Variants in EYA3 observed in about 807,000 individuals in gnomAD.
EYA3 encodes the protein EYA transcriptional coactivator and phosphatase 3.
EYA3 carries 39 observed loss-of-function variants against 80.0 expected under a neutral mutation model. The ratio of observed to expected loss-of-function variants is 0.49; its 90% CI spans 0.38 to 0.64. EYA3 has a LOEUF of 0.64. Ranked by LOEUF, EYA3 falls within the 30% of genes least tolerant of loss-of-function variation. EYA3 has a pLI of 0.00. For synonymous variants in EYA3, 206 were observed against 232.8 expected (o/e 0.88, Z 1.05); for missense variants, 523 against 676.1 (o/e 0.77, Z 2.51).
chr1:28,009,605 G>A lies in EYA3; in HGVS notation c.909+1342C>T, dbSNP rs763547177. On this transcript the variant is annotated intron_variant, in intron 10 of 17. Coordinates refer to ENST00000373871, the MANE Select transcript of EYA3 (RefSeq NM_001990.4). This position sits in a 1 kb window ranked among gnomAD's most constrained non-coding sequence, Gnocchi z 4.8. ...GCAGAGGTCACGGTAAGCCGAGATCGTGCCACTGCACTCCAGCCTGAGACT... is the reference window on the plus strand; with the variant it reads ...GCAGAGGTCACGGTAAGCCGAGATCATGCCACTGCACTCCAGCCTGAGACT... 3.3e-5 allele frequency among the ~76,000 whole-genome samples: 5 copies of A among 152,008 alleles called. No homozygotes were observed. Among genetic ancestry groups the A allele is most frequent in the South Asian group, 4.1e-4 (2 of 4,828 alleles).
chr1:28,013,288 GA>G lies in EYA3; in HGVS notation c.591del (p.Thr199ProfsTer34). ...AAVASISNQD[Y>X]PTYTILGQNQ... Reference sequence around the variant, plus strand: ...TTCTGACCAAGAATAGTATAGGTGGGATAATCCTGCAGGCCAAAGGAAATAA... The same window carrying G: ...TTCTGACCAAGAATAGTATAGGTGGGTAATCCTGCAGGCCAAAGGAAATAA... On this transcript the variant is annotated frameshift_variant, in exon 9 of 18. Transcript: ENST00000373871. LOFTEE classifies it high-confidence loss of function. The surrounding 1 kb of genome is among the most constrained non-coding windows in gnomAD (Gnocchi z 4.0). The G allele has an allele frequency of 6.2e-7, 1 of 1,609,112 alleles. No homozygotes were observed. The highest frequency in any genetic ancestry group is 8.5e-7 in the Non-Finnish European group (1 of 1,177,442).
intron 17 of EYA3, among the ~76,000 whole-genome samples, chr1:27,977,677 G>A (rs1025596242): frequency 1.3e-5 from 2 of 151,848 alleles, no homozygotes; most frequent in African/African-American, 2.4e-5. Context: ...GGGAAACCCC[G>A]TCTCTACTAA....
At chr1:27,983,103 CAG>C (rs1639422558) in intron 16 of EYA3, among the ~76,000 whole-genome samples, 1 of 152,102 alleles carries the variant, frequency 6.6e-6, no homozygotes, top group Non-Finnish European at 1.5e-5. Flanking sequence ...TGTAAAGAGT[CAG>C]AGAGTATATA....
At chr1:28,020,149 G>A (rs1287641064) in intron 7 of EYA3, among the ~76,000 whole-genome samples, 1 of 152,098 alleles carries the variant, frequency 6.6e-6, no homozygotes, top group Non-Finnish European at 1.5e-5. Context: ...TAAAATGGTA[G>A]ACCTTAAAAA....
intron 14 of EYA3, among the ~76,000 whole-genome samples, chr1:27,991,766 A>G (rs929243503): frequency 1.3e-5 from 2 of 152,212 alleles, no homozygotes; most frequent in African/African-American, 4.8e-5. Context: ...TACAAAACAT[A>G]CAGCTGGCCA....
chr1:28,068,389 TTTTC>T (rs1293940102), intron 1 of EYA3, among the ~76,000 whole-genome samples: 2 of 152,022 alleles, frequency 1.3e-5, no homozygotes, highest in Non-Finnish European at 2.9e-5. Flanking sequence ...TACTTATTCC[TTTTC>T]TTTCATTACA....
Position 27,974,393 on chromosome 1 carries a change from T to C in EYA3, c.*73A>G. The C allele has an allele frequency of 1.8e-6, 2 of 1,091,884 alleles. No homozygotes were observed. Among genetic ancestry groups the C allele is most frequent in the Non-Finnish European group, 2.7e-6 (2 of 732,150 alleles). 67.6% of individuals were successfully genotyped at this position (1,091,884 alleles called of 1,614,324 possible). ...AGAGAGAGACAGACAGAGAAAGTTC[T>C]CAGTTGGTTCCAGTCTCCAGCTCCC... On this transcript the variant is annotated 3_prime_UTR_variant, in exon 18 of 18. Coordinates refer to ENST00000373871, the MANE Select transcript of EYA3 (RefSeq NM_001990.4).
rs759883401 is a variant in EYA3, at chr1:28,048,372, A to T, written c.77+11T>A. The T allele has an allele frequency of 1.3e-6, 2 of 1,581,718 alleles. No homozygotes were observed. Among genetic ancestry groups the T allele is most frequent in the Non-Finnish European group, 1.7e-6 (2 of 1,167,110 alleles). On this transcript the variant is annotated intron_variant, in intron 3 of 17. Coordinates refer to ENST00000373871, the MANE Select transcript of EYA3 (RefSeq NM_001990.4). ...GAGTAGTTCATTAAAAAGAAAGCAA[A>T]CTTTACATACCTTATAGTTTGCTCT... is the stretch of plus-strand genomic sequence containing the variant.
chr1:28,056,412 A>C (rs753746066), intron 2 of EYA3, among the ~76,000 whole-genome samples: 15 of 152,136 alleles, frequency 9.9e-5, no homozygotes, highest in Non-Finnish European at 2.1e-4. Flanking sequence ...CTCCTGACCA[A>C]CAGTGGTACT....
chr1:28,045,417 T>C (rs1449722424), intron 3 of EYA3, among the ~76,000 whole-genome samples: 1 of 152,210 alleles, frequency 6.6e-6, no homozygotes, highest in Non-Finnish European at 1.5e-5. Flanking sequence ...GTTTGACTTC[T>C]ACATGTACCT....
chr1:28,036,758 G>A (rs1261599835), intron 5 of EYA3, among the ~76,000 whole-genome samples: 1 of 152,168 alleles, frequency 6.6e-6, no homozygotes, highest in African/African-American at 2.4e-5. Context: ...ATCTCATTTG[G>A]TGAGTTACAC....
At chr1:28,014,234 T>C (rs1641884198) in intron 8 of EYA3, among the ~76,000 whole-genome samples, 1 of 151,636 alleles carries the variant, frequency 6.6e-6, no homozygotes, top group South Asian at 2.1e-4. Context: ...CTAGCCAAAA[T>C]AGTGAGACCT....
chr1:28,057,948 T>C, intron 2 of EYA3, 46 bp downstream of exon 2: 1 of 1,145,694 alleles, frequency 8.7e-7, no homozygotes, highest in African/African-American at 1.5e-5. Flanking sequence ...TCTCTTAAGA[T>C]TAGCTCTTCT....
intron 1 of EYA3, among the ~76,000 whole-genome samples, chr1:28,082,848 T>A (rs1645479803): frequency 6.6e-6 from 1 of 152,162 alleles, no homozygotes; most frequent in African/African-American, 2.4e-5. Flanking sequence ...TTAACTTCCA[T>A]AAGATAATTT....
chr1:28,024,736 ACATCT>A (rs1642671985), intron 7 of EYA3, among the ~76,000 whole-genome samples: 1 of 152,146 alleles, frequency 6.6e-6, no homozygotes, highest in Non-Finnish European at 1.5e-5. Context: ...ACCAATTAAA[ACATCT>A]CAGCTGAAGA....
At chr1:28,055,604 G>A (rs1644410812) in intron 2 of EYA3, among the ~76,000 whole-genome samples, 1 of 151,724 alleles carries the variant, frequency 6.6e-6, no homozygotes, top group Admixed American at 6.6e-5. Context: ...CCAAGTAGCT[G>A]GGATTACAGG....
chr1:28,084,273 T>G (rs977054572), intron 1 of EYA3, among the ~76,000 whole-genome samples: 14 of 151,952 alleles, frequency 9.2e-5, no homozygotes, highest in African/African-American at 3.4e-4. Context: ...CTTCTACATT[T>G]AATAATTAGC....
Position 27,974,295 on chromosome 1 carries a change from G to T in EYA3, c.*171C>A, listed in dbSNP as rs746555205. The T allele has an allele frequency of 2.2e-6, 1 of 459,922 alleles. No individual in the cohort carries two copies. The highest frequency in any genetic ancestry group is 4.0e-6 in the Non-Finnish European group (1 of 251,584). The allele number at this position is 459,922 out of a possible 1,614,324, so 28.5% of individuals were successfully genotyped here. ...AGAGAGAGAGAGGCAGAGAGGGAGGGAGAGAGGAAGGGAGGGAGGGAGAGA... is the reference window on the plus strand; with the variant it reads ...AGAGAGAGAGAGGCAGAGAGGGAGGTAGAGAGGAAGGGAGGGAGGGAGAGA... On this transcript the variant is annotated 3_prime_UTR_variant, in exon 18 of 18. Coordinates refer to ENST00000373871, the MANE Select transcript of EYA3 (RefSeq NM_001990.4).
At chr1:28,073,464 AT>A (rs1417342825) in intron 1 of EYA3, among the ~76,000 whole-genome samples, 1 of 150,518 alleles carries the variant, frequency 6.6e-6, no homozygotes. Context: ...TGCCTGGCTA[AT>A]TTTTTTGTAT....
Sources: allele counts gnomAD v4.1 joint callset (sites outside exome capture counted in the v4.1 genomes callset), GRCh38; gene constraint gnomAD v4.1.1; non-coding constraint Gnocchi (gnomAD v3.1); transcripts MANE v1.5; gene names NCBI Gene and HGNC (gene_info 2026-07-23, HGNC 2026-07-21).